The following PDLIM1 variants were observed in gnomAD, a reference collection of about 807,000 sequenced individuals.
The protein encoded by PDLIM1 is PDZ and LIM domain protein 1.
In PDLIM1, 25 loss-of-function variants were observed where a neutral mutation model predicts 35.2. The observed-to-expected ratio is 0.71, with a 90% CI of 0.52 to 0.99. The LOEUF (loss-of-function observed/expected upper bound fraction) is 0.99. PDLIM1 is among the 50% of genes least tolerant of loss of function. The probability of loss-of-function intolerance (pLI) is 0.00; values close to 1 mark genes in which losing one functional copy is unlikely to be tolerated. For missense variants in PDLIM1, 363 were observed against 415.3 expected, an observed-to-expected ratio of 0.87 and a Z score of 1.09; for synonymous variants, 152 against 154.0, an observed-to-expected ratio of 0.99 and a Z score of 0.10.
At chr10:95,283,690 C>T (rs1398718978) in intron 1 of PDLIM1, among the ~76,000 whole-genome samples, 3 of 152,144 alleles carry the variant, frequency 2.0e-5, no homozygotes, top group Admixed American at 1.3e-4. Flanking sequence ...TAAACAATTA[C>T]GCGGGCTTCT....
At chr10:95,253,516 G>A (rs116316283) in intron 4 of PDLIM1, among the ~76,000 whole-genome samples, 4,083 of 152,210 alleles carry the variant, frequency 0.027, 157 homozygotes, top group African/African-American at 0.089. Context: ...TTAGCTGGGC[G>A]TGGTGGCGGA....
chr10:95,261,655 T>G (rs1000772641), intron 4 of PDLIM1, among the ~76,000 whole-genome samples: 1 of 152,164 alleles, frequency 6.6e-6, no homozygotes, highest in African/African-American at 2.4e-5. Context: ...TAACATCTTC[T>G]AAAGCCAAAG....
At chr10:95,278,739 T>C (rs1258679079) in intron 1 of PDLIM1, among the ~76,000 whole-genome samples, 1 of 152,164 alleles carries the variant, frequency 6.6e-6, no homozygotes, top group Non-Finnish European at 1.5e-5. Context: ...GCATCTGACA[T>C]TGACTGCCCA....
intron 4 of PDLIM1, among the ~76,000 whole-genome samples, chr10:95,263,426 T>C (rs1284885941): frequency 2.0e-5 from 3 of 152,138 alleles, no homozygotes; most frequent in Admixed American, 2.0e-4. Flanking sequence ...GCATGAAGTA[T>C]TTCTCCCTTG....
At chr10:95,289,494 G>T (rs185740874) in intron 1 of PDLIM1, among the ~76,000 whole-genome samples, 1 of 152,176 alleles carries the variant, frequency 6.6e-6, no homozygotes, top group African/African-American at 2.4e-5. Flanking sequence ...TTTTAGGGGG[G>T]TGAGATAGAG....
At chr10:95,256,999 A>C (rs2035318726) in intron 4 of PDLIM1, among the ~76,000 whole-genome samples, 1 of 120,030 alleles carries the variant, frequency 8.3e-6, no homozygotes, top group Admixed American at 8.7e-5. Flanking sequence ...AGAAAGAAAG[A>C]AAGAAAGAAA....
chr10:95,271,981 T>C (rs942908500), intron 1 of PDLIM1, among the ~76,000 whole-genome samples, 197 bp from the exon 2 acceptor site: 1 of 152,204 alleles, frequency 6.6e-6, no homozygotes, highest in African/African-American at 2.4e-5. Context: ...TGTATCCCTA[T>C]AGCAACCTTA....
chr10:95,256,833 G>T (rs1003811550), intron 4 of PDLIM1, among the ~76,000 whole-genome samples: 4 of 151,744 alleles, frequency 2.6e-5, no homozygotes, highest in Non-Finnish European at 5.9e-5. Flanking sequence ...AAATTAGCCA[G>T]GAGTGGCAAC....
At chr10:95,239,640 A>G (rs779118829) in intron 5 of PDLIM1, among the ~76,000 whole-genome samples, 2 of 152,170 alleles carry the variant, frequency 1.3e-5, no homozygotes, top group Non-Finnish European at 2.9e-5. Flanking sequence ...TACTAAAATT[A>G]CAAAAATTAG....
At chr10:95,256,549 T>C (rs771357067) in intron 4 of PDLIM1, among the ~76,000 whole-genome samples, 17 of 152,204 alleles carry the variant, frequency 1.1e-4, no homozygotes, top group African/African-American at 1.7e-4. Context: ...TTGCATACAC[T>C]GTCAAATGAT....
chr10:95,256,428 G>A (rs539469052), intron 4 of PDLIM1, among the ~76,000 whole-genome samples: 18 of 152,194 alleles, frequency 1.2e-4, no homozygotes, highest in Admixed American at 3.9e-4. Context: ...GGCCTCATAC[G>A]TCCTTATTTC....
At chr10:95,252,806 A>G (rs2035277650) in intron 4 of PDLIM1, among the ~76,000 whole-genome samples, 1 of 152,204 alleles carries the variant, frequency 6.6e-6, no homozygotes, top group South Asian at 2.1e-4. Context: ...GTGAACTGGA[A>G]GGTGAATATT....
At chr10:95,251,549 A>T (rs1160938833) in intron 4 of PDLIM1, among the ~76,000 whole-genome samples, 1 of 152,172 alleles carries the variant, frequency 6.6e-6, no homozygotes, top group African/African-American at 2.4e-5. Context: ...AAAAATCCTC[A>T]TTGCTGATAC....
intron 6 of PDLIM1, among the ~76,000 whole-genome samples, chr10:95,238,340 C>A (rs2035144603): frequency 7.4e-6 from 1 of 134,996 alleles, no homozygotes; most frequent in Non-Finnish European, 1.7e-5. Flanking sequence ...AACAGGGCAG[C>A]CCTGATTTTT....
At chr10:95,287,206 G>C (rs1205503041) in intron 1 of PDLIM1, among the ~76,000 whole-genome samples, 2 of 152,168 alleles carry the variant, frequency 1.3e-5, no homozygotes, top group Non-Finnish European at 2.9e-5. Flanking sequence ...CAATTTCACA[G>C]ACCAAGGGCA....
At chr10:95,277,495 C>T (rs2035522326) in intron 1 of PDLIM1, among the ~76,000 whole-genome samples, 1 of 151,932 alleles carries the variant, frequency 6.6e-6, no homozygotes, top group South Asian at 2.1e-4. Context: ...CAAAAATTAG[C>T]CAGCTGTGGT....
intron 1 of PDLIM1, among the ~76,000 whole-genome samples, chr10:95,276,476 C>G (rs928729123): frequency 6.6e-6 from 1 of 152,180 alleles, no homozygotes; most frequent in African/African-American, 2.4e-5. Context: ...AACCATAACA[C>G]AGAAGTGACA....
At chr10:95,239,479 C>A (rs950449764) in intron 5 of PDLIM1, among the ~76,000 whole-genome samples, 1 of 152,148 alleles carries the variant, frequency 6.6e-6, no homozygotes, top group African/African-American at 2.4e-5. Flanking sequence ...CCAGCATCTG[C>A]AAGGAACTTA....
At chr10:95,238,253 A>G (rs2035144050) in intron 6 of PDLIM1, 142 bp from the exon 7 acceptor site, 3 of 701,084 alleles carry the variant, frequency 4.3e-6, no homozygotes, top group Non-Finnish European at 7.1e-6. Context: ...GGGCCTCCCA[A>G]CTGGCCTCCA....
Sources: allele counts gnomAD v4.1 joint callset (sites outside exome capture counted in the v4.1 genomes callset), GRCh38; gene constraint gnomAD v4.1.1; transcripts MANE v1.5; gene names NCBI Gene and HGNC (gene_info 2026-07-23, HGNC 2026-07-21).